The following EVC2 variants were observed in gnomAD, a reference collection of about 807,000 sequenced individuals.
The protein encoded by EVC2 is limbin.
A neutral mutation model predicts 149.3 loss-of-function variants in EVC2; 148 were observed. The observed-to-expected ratio is 0.99, with a 90% CI of 0.87 to 1.14. EVC2 has a LOEUF of 1.14. Among genes scored for constraint, EVC2 ranks in the 50% most tolerant of loss-of-function variants. The pLI is 0.00. For missense variants in EVC2, 1,854 were observed against 1,627.3 expected (o/e 1.14, Z -2.40); for synonymous variants, 776 against 649.9 (o/e 1.19, Z -2.95).
chr4:5,655,549 T>C (rs1012680645), intron 9 of EVC2, among the ~76,000 whole-genome samples: 2 of 152,052 alleles, frequency 1.3e-5, no homozygotes, highest in Admixed American at 6.5e-5. Context: ...AATGGCCCTT[T>C]AGACCCAGCC....
chr4:5,669,790 T>C (rs550237364), intron 7 of EVC2, among the ~76,000 whole-genome samples: 62 of 152,298 alleles, frequency 4.1e-4, no homozygotes, highest in Non-Finnish European at 7.8e-4. Flanking sequence ...AGAGTAGAGG[T>C]ACTGTGGGCA....
the EVC2 span, among the ~76,000 whole-genome samples, chr4:5,530,245 C>T: frequency 6.6e-6 from 1 of 152,170 alleles, no homozygotes; most frequent in African/African-American, 2.4e-5. Flanking sequence ...GCGTAAAATC[C>T]CAAGGGGTTT....
Position 5,696,466 on chromosome 4 carries a change from G to A in EVC2, c.283+1127C>T, listed in dbSNP as rs141739369. Among the ~76,000 whole-genome samples the A allele has an allele frequency of 2.0e-5, 3 of 152,330 alleles. No homozygotes were observed. Among genetic ancestry groups the A allele is most frequent in the Non-Finnish European group, 4.4e-5 (3 of 68,030 alleles). Reference sequence around the variant, plus strand: ...ACCCCACCCAGTGGCCCCAGGGATAGGTTCAGGGACAGGCCGGGGACCCAC... The same window carrying A: ...ACCCCACCCAGTGGCCCCAGGGATAAGTTCAGGGACAGGCCGGGGACCCAC... On this transcript the variant is annotated intron_variant, in intron 2 of 21. Coordinates refer to ENST00000344408, the MANE Select transcript of EVC2 (RefSeq NM_147127.5). This position sits in a 1 kb window ranked among gnomAD's most constrained non-coding sequence, Gnocchi z 4.1.
chr4:5,676,729 G>A (rs1030510912), intron 7 of EVC2, among the ~76,000 whole-genome samples: 1 of 152,178 alleles, frequency 6.6e-6, no homozygotes, highest in African/African-American at 2.4e-5. Context: ...CAGGAAGCCT[G>A]CCAGTCCACC....
At chr4:5,544,426 A>T (rs1192231945) in intron 21 of EVC2, among the ~76,000 whole-genome samples, 1 of 152,172 alleles carries the variant, frequency 6.6e-6, no homozygotes, top group Non-Finnish European at 1.5e-5. Flanking sequence ...CCCCACACAC[A>T]TGCACGCACA....
chr4:5,601,033 G>A (rs2108810684), intron 16 of EVC2, among the ~76,000 whole-genome samples: 1 of 152,292 alleles, frequency 6.6e-6, no homozygotes, highest in Middle Eastern at 3.4e-3. Flanking sequence ...TTACCATCTA[G>A]ACAAAAGACT....
rs889541533 is a variant in EVC2, at chr4:5,637,026, C to T, written c.1470+3488G>A. ...AGGACATCCGGAGTGATGGTGCCTG[C>T]CCAATACACGCTGGCTTGCAAGGTG... is the stretch of plus-strand genomic sequence containing the variant. On this transcript the variant is annotated intron_variant, in intron 10 of 21. Transcript: ENST00000344408. The surrounding 1 kb of genome is among the most constrained non-coding windows in gnomAD (Gnocchi z 4.4). 9.2e-5 allele frequency among the ~76,000 whole-genome samples: 14 copies of T among 152,106 alleles called. No homozygotes were observed. Among genetic ancestry groups the T allele is most frequent in the African/African-American group, 3.4e-4 (14 of 41,426 alleles).
rs757529889 is a variant in EVC2, at chr4:5,685,425, C to T, written c.761G>A (p.Gly254Glu). ...YAATLQAGDL[G>E]NGESLKLPAQ... The stretch of plus-strand genomic sequence containing the variant: ...AGGAAGCTTGAGGCTCTCCCCGTTC[C>T]CGAGGTCTCCAGCCTGGAGCGTGGC... The change falls in exon 6 of 22, where the codon GGG becomes GAG. Residue 254 changes from glycine (G) to glutamate (E), a missense_variant. Coordinates refer to ENST00000344408, the MANE Select transcript of EVC2 (RefSeq NM_147127.5). 3 of 1,614,098 alleles carry T rather than the reference C, an allele frequency of 1.9e-6. No individual in the cohort carries two copies. The highest frequency in any genetic ancestry group is 2.5e-6 in the Non-Finnish European group (3 of 1,180,048).
At chr4:5,543,480 T>G (rs999414413) in intron 21 of EVC2, among the ~76,000 whole-genome samples, 1 of 151,610 alleles carries the variant, frequency 6.6e-6, no homozygotes. Flanking sequence ...CACCTAGGAG[T>G]TGGTGGGGAG....
rs1221045269 is a variant in EVC2 at position 5,640,411 on chromosome 4, A to G, written c.1470+103T>C. The G allele has an allele frequency of 1.5e-6, 2 of 1,325,924 alleles. No individual in the cohort carries two copies. The highest frequency in any genetic ancestry group is 2.9e-5 in the African/African-American group (2 of 68,564). The allele number at this position is 1,325,924 out of a possible 1,614,324, so 82.1% of individuals were successfully genotyped here. Reference sequence around the variant, plus strand: ...GTGGGTGGTTGGATGGATGATGGGTAGACGGATGGAGGAGGCAAATGGACA... The same window carrying G: ...GTGGGTGGTTGGATGGATGATGGGTGGACGGATGGAGGAGGCAAATGGACA... On this transcript the variant is annotated intron_variant, in intron 10 of 21. Coordinates refer to ENST00000344408, the MANE Select transcript of EVC2 (RefSeq NM_147127.5). This position sits in a 1 kb window ranked among gnomAD's most constrained non-coding sequence, Gnocchi z 4.6.
chr4:5,581,486 C>T (rs1316396139), intron 17 of EVC2, among the ~76,000 whole-genome samples: 1 of 151,020 alleles, frequency 6.6e-6, no homozygotes, highest in East Asian at 1.9e-4. Flanking sequence ...AGACTGGTGG[C>T]ATTGTGCCCC....
chr4:5,631,351 C>T (rs61640791), intron 11 of EVC2, among the ~76,000 whole-genome samples: 14,850 of 152,148 alleles, frequency 0.098, 1,416 homozygotes, highest in African/African-American at 0.24. Flanking sequence ...TCTTGGCCTC[C>T]TAAAGTGCTG....
At chr4:5,590,039 A>G (rs1712646406) in intron 16 of EVC2, among the ~76,000 whole-genome samples, 1 of 152,156 alleles carries the variant, frequency 6.6e-6, no homozygotes, top group Non-Finnish European at 1.5e-5. Flanking sequence ...CAGATACTGA[A>G]GGATCCAGGC....
At chr4:5,603,998 T>C (rs1344678680) in intron 16 of EVC2, among the ~76,000 whole-genome samples, 2 of 152,208 alleles carry the variant, frequency 1.3e-5, no homozygotes, top group Non-Finnish European at 2.9e-5. Context: ...GCCTGTGCTT[T>C]AGGCTCTGTT....
Position 5,584,853 on chromosome 4 carries a change from G to A in EVC2, c.2830-3C>T, listed in dbSNP as rs1309673189. The A allele has an allele frequency of 6.2e-7, 1 of 1,614,154 alleles. No individual in the cohort carries two copies. Among genetic ancestry groups the A allele is most frequent in the Non-Finnish European group, 8.5e-7 (1 of 1,180,038 alleles). The stretch of plus-strand genomic sequence containing the variant: ...TCCCGCAGCAATTCACCTCGAACCT[G>A]GGAGGGGACAGGGATGGACCCAAAC... On this transcript the variant is annotated splice_polypyrimidine_tract_variant and splice_region_variant and intron_variant, in intron 16 of 21. Coordinates refer to ENST00000344408, the MANE Select transcript of EVC2 (RefSeq NM_147127.5).
chr4:5,661,228 C>T (rs1451980215), intron 9 of EVC2, among the ~76,000 whole-genome samples: 1 of 152,008 alleles, frequency 6.6e-6, no homozygotes, highest in African/African-American at 2.4e-5. Context: ...CAGCAGTCTA[C>T]CAAGAAAGCA....
intron 9 of EVC2, among the ~76,000 whole-genome samples, chr4:5,645,039 C>G (rs1220331159): frequency 6.6e-6 from 1 of 152,100 alleles, no homozygotes; most frequent in Non-Finnish European, 1.5e-5. Flanking sequence ...TGGACATATA[C>G]CCAGTAGTGG....
intron 1 of EVC2, among the ~76,000 whole-genome samples, chr4:5,698,534 C>G (rs1721628450): frequency 6.6e-6 from 1 of 152,172 alleles, no homozygotes; most frequent in African/African-American, 2.4e-5. Flanking sequence ...CCAAACCCTT[C>G]CAATTTACCT....
In EVC2 at chr4:5,584,865, G is replaced by T. The variant is rs1459244242; in HGVS notation, c.2830-15C>A. The T allele has an allele frequency of 3.7e-6, 6 of 1,613,806 alleles. No individual in the cohort carries two copies. Among genetic ancestry groups the T allele is most frequent in the Non-Finnish European group, 5.1e-6 (6 of 1,179,896 alleles). On this transcript the variant is annotated splice_polypyrimidine_tract_variant and intron_variant, in intron 16 of 21. Transcript: ENST00000344408. ...TCACCTCGAACCTGGGAGGGGACAG[G>T]GATGGACCCAAACCCAGAGAGCAGT... is the stretch of plus-strand genomic sequence containing the variant.
Sources: allele counts gnomAD v4.1 joint callset (sites outside exome capture counted in the v4.1 genomes callset), GRCh38; gene constraint gnomAD v4.1.1; non-coding constraint Gnocchi (gnomAD v3.1); transcripts MANE v1.5; gene names NCBI Gene and HGNC (gene_info 2026-07-23, HGNC 2026-07-21).